DDX17: variants seen among roughly 807,000 people sequenced by gnomAD.
The protein encoded by DDX17 is probable ATP-dependent RNA helicase DDX17.
A neutral mutation model predicts 80.8 loss-of-function variants in DDX17; 10 were observed. The observed-to-expected ratio is 0.12, with a 90% CI of 0.08 to 0.21. The LOEUF (loss-of-function observed/expected upper bound fraction) is 0.21. Among genes scored for constraint, DDX17 ranks in the 10% least tolerant of loss-of-function variants. The probability of loss-of-function intolerance (pLI) is 1.00; values close to 1 mark genes in which losing one functional copy is unlikely to be tolerated. For missense variants in DDX17, 586 were observed against 957.4 expected (o/e 0.61, Z 5.12); for synonymous variants, 339 against 336.2 (o/e 1.01, Z -0.09).
At chr22:38,486,578 C>T in intron 12 of DDX17, 138 bp from the exon 13 acceptor site, 5 of 1,283,476 alleles carry the variant, frequency 3.9e-6, no homozygotes, top group Middle Eastern at 2.6e-4. Flanking sequence ...CCAATTAGTA[C>T]TGTAAAAATA....
At chr22:38,495,761 TAAACTAACA>T (rs1350075617) in intron 6 of DDX17, 26 bp downstream of exon 6, 3 of 1,443,982 alleles carry the variant, frequency 2.1e-6, no homozygotes, top group Non-Finnish European at 2.8e-6. Context: ...TAAAGTAAGA[TAAACTAACA>T]ATTCTTTTAC....
intron 11 of DDX17, chr22:38,491,081 GCACAGATCCAGA>G (rs2089709336): frequency 6.6e-6 from 1 of 152,508 alleles, no homozygotes; most frequent in Admixed American, 6.5e-5. Flanking sequence ...AGTTCTAATG[GCACAGATCCAGA>G]CATGACCTCA....
At chr22:38,503,708 A>C (rs1394226088) in intron 1 of DDX17, among the ~76,000 whole-genome samples, 1 of 152,236 alleles carries the variant, frequency 6.6e-6, no homozygotes, top group Non-Finnish European at 1.5e-5. Context: ...AAAAAAATTC[A>C]CCTTTGAAGT....
intron 5 of DDX17, among the ~76,000 whole-genome samples, chr22:38,496,977 T>C (rs943935702): frequency 1.3e-5 from 2 of 152,236 alleles, no homozygotes; most frequent in African/African-American, 4.8e-5. Context: ...TTCATAAATA[T>C]ATAGGACAAA....
At position 38,502,599 on chromosome 22, in the gene DDX17, T is replaced by C. The variant is rs118069633; in HGVS notation, c.288-1319A>G. Among the ~76,000 whole-genome samples the C allele has an allele frequency of 9.7e-3, 1,477 of 152,322 alleles. 11 individuals carry two copies. Among genetic ancestry groups the C allele is most frequent in the Non-Finnish European group, 0.015 (1,026 of 68,018 alleles). On this transcript the variant is annotated intron_variant, in intron 1 of 12. Transcript: ENST00000403230. ...CTTAAGATCAACTTCTTGCTTTTTA[T>C]ATACCTTTCACAACAGACAAGCTCA...
At chr22:38,491,311 A>T (rs1286573302) in intron 11 of DDX17, 2 of 152,218 alleles carry the variant, frequency 1.3e-5, no homozygotes, top group Admixed American at 6.5e-5. Flanking sequence ...TAATTTAAGG[A>T]TTTCCTTGTA....
At position 38,493,701 on chromosome 22, in the gene DDX17, T is replaced by C. The variant is rs1400655036; in HGVS notation, c.1387+9A>G. On this transcript the variant is annotated intron_variant, in intron 10 of 12. Coordinates refer to ENST00000403230, the MANE Select transcript of DDX17 (RefSeq NM_006386.5). ...GGAATCAACAGAAAATGCTTAGTTTTAAACTTACCATTAAGTACCCAATCT... is the reference window on the plus strand; with the variant it reads ...GGAATCAACAGAAAATGCTTAGTTTCAAACTTACCATTAAGTACCCAATCT... 6.2e-7 allele frequency: 1 copy of C among 1,606,088 alleles called. No homozygotes were observed. Among genetic ancestry groups the C allele is most frequent in the Non-Finnish European group, 8.5e-7 (1 of 1,172,666 alleles).
chr22:38,502,534 C>T (rs1482174000), intron 1 of DDX17, among the ~76,000 whole-genome samples: 1 of 140,082 alleles, frequency 7.1e-6, no homozygotes, highest in Non-Finnish European at 1.6e-5. Flanking sequence ...GAAAAAAACA[C>T]TAACAAGACT....
chr22:38,489,895 T>G lies in DDX17; in HGVS notation c.1448-1780A>C. On this transcript the variant is annotated intron_variant, in intron 11 of 12. Coordinates refer to ENST00000403230, the MANE Select transcript of DDX17 (RefSeq NM_006386.5). The surrounding 1 kb of genome is among the most constrained non-coding windows in gnomAD (Gnocchi z 4.6). ...GGTATCTTCAGAGCTAGGATAATGC[T>G]CCTTATGCAATCCCACTGCATATGA... The G allele has an allele frequency of 1.0e-6, 1 of 987,320 alleles. No individual in the cohort carries two copies. Among genetic ancestry groups the G allele is most frequent in the African/African-American group, 1.7e-5 (1 of 57,338 alleles). The allele number at this position is 987,320 out of a possible 1,614,324, so 61.2% of individuals were successfully genotyped here.
chr22:38,488,767 C>T, intron 11 of DDX17: 1 of 985,704 alleles, frequency 1.0e-6, no homozygotes, highest in Non-Finnish European at 1.2e-6. Flanking sequence ...GATTATCTAT[C>T]CCCTTTCAAT....
rs1056011483 is a variant in DDX17 at position 38,484,106 on chromosome 22, A to G, written c.*1829T>C. The stretch of plus-strand genomic sequence containing the variant: ...AAAAAAACCCAGAATTTGGTTGTAG[A>G]AAACAATGCCCACAACAGACTGGCC... On this transcript the variant is annotated 3_prime_UTR_variant, in exon 13 of 13. Coordinates refer to ENST00000403230, the MANE Select transcript of DDX17 (RefSeq NM_006386.5). 1 of 152,562 alleles carries G rather than the reference A, an allele frequency of 6.6e-6. No individual in the cohort carries two copies. The highest frequency in any genetic ancestry group is 1.5e-5 in the Non-Finnish European group (1 of 68,042). The allele number at this position is 152,562 out of a possible 1,614,324, so 9.5% of individuals were successfully genotyped here.
Position 38,486,016 on chromosome 22 carries a change from A to T in DDX17, c.2109T>A (p.Ala703=). Residue 703 remains alanine (A), a synonymous_variant, in exon 13 of 13, where the codon GCT becomes GCA. Coordinates refer to ENST00000403230, the MANE Select transcript of DDX17 (RefSeq NM_006386.5). Reference sequence around the variant, plus strand: ...GCCCCATGTAACCTATCATATTGGTAGCTCCCGGAGGCTGTGCAAACTGTT... The same window carrying T: ...GCCCCATGTAACCTATCATATTGGTTGCTCCCGGAGGCTGTGCAAACTGTT... 1 of 1,613,942 alleles carries T rather than the reference A, an allele frequency of 6.2e-7. No individual in the cohort carries two copies.
At position 38,505,995 on chromosome 22, in the gene DDX17, G is replaced by A; in HGVS notation, c.243C>T (p.Arg81=). 1 of 1,585,920 alleles carries A rather than the reference G, an allele frequency of 6.3e-7. No homozygotes were observed. The highest frequency in any genetic ancestry group is 8.6e-7 in the Non-Finnish European group (1 of 1,167,032). Residue 81 remains arginine (R), a synonymous_variant, in exon 1 of 13, where the codon CGC becomes CGT. Coordinates refer to ENST00000403230, the MANE Select transcript of DDX17 (RefSeq NM_006386.5). ...GGTCCCGGTCCCCAAAGCCTCCTCC[G>A]CGCATGGTCCCAAAAGGATAGAGAT...
chr22:38,484,739 C>T lies in DDX17; in HGVS notation c.*1196G>A, dbSNP rs2145679963. ...GGAGGAAAAGTGAAAAGGACTTAGG[C>T]TTTAGTCCTCCATGACTTTTCTTAA... On this transcript the variant is annotated 3_prime_UTR_variant, in exon 13 of 13. Coordinates refer to ENST00000403230, the MANE Select transcript of DDX17 (RefSeq NM_006386.5). The T allele has an allele frequency of 6.6e-6, 1 of 152,310 alleles. No individual in the cohort carries two copies. Among genetic ancestry groups the T allele is most frequent in the East Asian group, 1.9e-4 (1 of 5,190 alleles). The allele number at this position is 152,310 out of a possible 1,614,324, so 9.4% of individuals were successfully genotyped here. A position where few individuals can be genotyped will look rare whatever the true frequency, so the allele number is the denominator to read the frequency against.
At chr22:38,498,324 TA>T in intron 4 of DDX17, 115 bp downstream of exon 4, 1 of 1,466,196 alleles carries the variant, frequency 6.8e-7, no homozygotes. Flanking sequence ...ATTTAATAAC[TA>T]AAATAGTATC....
chr22:38,501,484 T>C (rs1000507383), intron 1 of DDX17, among the ~76,000 whole-genome samples: 7 of 152,270 alleles, frequency 4.6e-5, no homozygotes, highest in East Asian at 1.9e-4. Flanking sequence ...TTTATGAATA[T>C]AGCTACAATA....
At chr22:38,496,723 C>G (rs1386257687) in intron 5 of DDX17, among the ~76,000 whole-genome samples, 2 of 152,100 alleles carry the variant, frequency 1.3e-5, no homozygotes, top group African/African-American at 4.8e-5. Flanking sequence ...CTAATTTAAG[C>G]ACATCACCAG....
At chr22:38,497,210 C>T (rs550387392) in intron 5 of DDX17, among the ~76,000 whole-genome samples, 39 of 138,596 alleles carry the variant, frequency 2.8e-4, no homozygotes, top group African/African-American at 1.0e-3. Flanking sequence ...ACAGGAGAAT[C>T]GCTTGAAGCC....
rs745873535 is a variant in DDX17, at chr22:38,486,134, C to T, written c.1991G>A (p.Ser664Asn). 6 of 1,614,068 alleles carry T rather than the reference C, an allele frequency of 3.7e-6. No individual in the cohort carries two copies. The Admixed American group carries it at 1.0e-4, about 27-fold the overall frequency. ...TGAACTTCTCCCAGTTGAGGTGGTG[C>T]TACTAGCTCCATAAGTGCCAGCACC... Residue 664 changes from serine to asparagine, a missense_variant, in exon 13 of 13, where the codon AGC (serine) becomes AAC (asparagine). This residue lies in a region of DDX17 where 221 missense variants were observed against 261.4 expected (regional missense o/e 0.85). Coordinates refer to ENST00000403230, the MANE Select transcript of DDX17 (RefSeq NM_006386.5).
Sources: gnomAD v4.1 joint callset for allele counts (sites outside exome capture counted in the v4.1 genomes callset) on GRCh38, gnomAD v4.1.1 for gene constraint, gnomAD v4.1.1 regional missense constraint, Gnocchi (gnomAD v3.1) non-coding constraint, MANE v1.5 for transcripts, NCBI Gene and HGNC (gene_info 2026-07-23, HGNC 2026-07-21) for gene names.